FAT3: variants seen among roughly 807,000 people sequenced by gnomAD.
FAT3 encodes FAT atypical cadherin 3.
In FAT3, 95 loss-of-function variants were observed where a neutral mutation model predicts 310.2. That is an observed-to-expected ratio of 0.31 (90% CI 0.26 to 0.36). FAT3 has a LOEUF of 0.36. FAT3 is among the 10% of genes least tolerant of loss of function. FAT3 has a pLI of 1.00. For synonymous variants in FAT3, 2,314 were observed against 2,192.9 expected (o/e 1.06, Z -1.54); for missense variants, 5,408 against 5,715.6 (o/e 0.95, Z 1.74).
chr11:92,569,490 G>A (rs959393821), intron 3 of FAT3, among the ~76,000 whole-genome samples: 2 of 152,136 alleles, frequency 1.3e-5, no homozygotes, highest in Non-Finnish European at 2.9e-5. Flanking sequence ...TGTTAACTCA[G>A]AAAGAAAAGT....
At chr11:92,429,526 C>T (rs1950716061) in intron 2 of FAT3, among the ~76,000 whole-genome samples, 2 of 152,048 alleles carry the variant, frequency 1.3e-5, no homozygotes, top group African/African-American at 4.8e-5. Context: ...ACTGGTTTTT[C>T]CTCTCCATAT....
chr11:92,521,739 G>T (rs957799571), intron 2 of FAT3, among the ~76,000 whole-genome samples: 4 of 152,062 alleles, frequency 2.6e-5, no homozygotes, highest in Admixed American at 6.6e-5. Context: ...TACCAACATG[G>T]TGTCCTTATC....
At chr11:92,576,132 T>A (rs1164699139) in intron 3 of FAT3, among the ~76,000 whole-genome samples, 1 of 152,092 alleles carries the variant, frequency 6.6e-6, no homozygotes, top group African/African-American at 2.4e-5. Flanking sequence ...AAGAATAGCG[T>A]CTTAAGGGAG....
At chr11:92,743,438 A>G (rs1174027643) in intron 4 of FAT3, among the ~76,000 whole-genome samples, 1 of 152,192 alleles carries the variant, frequency 6.6e-6, no homozygotes, top group East Asian at 1.9e-4. Flanking sequence ...TAGGCAGGAG[A>G]TAATGAGAGC....
intron 3 of FAT3, among the ~76,000 whole-genome samples, chr11:92,552,982 TGGAAATATGGAAGGAAATAGA>T (rs1380674321): frequency 3.4e-5 from 5 of 148,258 alleles, no homozygotes; most frequent in African/African-American, 5.0e-5. Context: ...AAAAAAGAAT[TGGAAATATGGAAGGAAATAGA>T]GGAAATATGG....
chr11:92,504,039 C>G (rs1395683898), intron 2 of FAT3, among the ~76,000 whole-genome samples: 1 of 152,118 alleles, frequency 6.6e-6, no homozygotes, highest in Admixed American at 6.6e-5. Context: ...CAAATCAGAG[C>G]CCTAAGTGAC....
intron 3 of FAT3, among the ~76,000 whole-genome samples, chr11:92,602,120 C>T (rs1940057225): frequency 6.6e-6 from 1 of 151,786 alleles, no homozygotes; most frequent in South Asian, 2.1e-4. Flanking sequence ...GTCATCCAGG[C>T]CAGAGTGCAA....
chr11:92,412,402 A>ATTTTTTTTTTTTTTTTTTT (rs780298367), intron 2 of FAT3, among the ~76,000 whole-genome samples: 1 of 101,126 alleles, frequency 9.9e-6, no homozygotes, highest in African/African-American at 3.2e-5. Flanking sequence ...GACCCGGCCT[A>ATTTTTTTTTTTTTTTTTTT]TTTTTTTTTT....
chr11:92,516,170 G>A (rs1953475777), intron 2 of FAT3, among the ~76,000 whole-genome samples: 1 of 151,950 alleles, frequency 6.6e-6, no homozygotes, highest in African/African-American at 2.4e-5. Context: ...CCAAAACCTG[G>A]CAGAGACACA....
chr11:92,763,793 C>T (rs1308389588), intron 5 of FAT3, among the ~76,000 whole-genome samples: 2 of 152,030 alleles, frequency 1.3e-5, no homozygotes, highest in Non-Finnish European at 2.9e-5. Context: ...AGAGCACTTC[C>T]CCACCAAAAA....
intron 3 of FAT3, among the ~76,000 whole-genome samples, chr11:92,553,142 C>T (rs1954880184): frequency 1.3e-5 from 2 of 152,134 alleles, no homozygotes; most frequent in South Asian, 4.2e-4. Flanking sequence ...GGAGTAATAT[C>T]ACCACCTTAT....
intron 2 of FAT3, among the ~76,000 whole-genome samples, chr11:92,455,872 C>T (rs1293843121): frequency 6.6e-6 from 1 of 152,072 alleles, no homozygotes; most frequent in African/African-American, 2.4e-5. Flanking sequence ...GTATTGATGC[C>T]TAACTTTTAC....
intron 1 of FAT3, among the ~76,000 whole-genome samples, chr11:92,263,635 G>GTA (rs1185942564): frequency 4.1e-5 from 6 of 146,038 alleles, no homozygotes; most frequent in African/African-American, 1.6e-4. Context: ...GTGTGTGTGT[G>GTA]TGTATATATA....
At chr11:92,239,248 T>C (rs1389725547) in intron 1 of FAT3, among the ~76,000 whole-genome samples, 1 of 152,104 alleles carries the variant, frequency 6.6e-6, no homozygotes, top group South Asian at 2.1e-4. Flanking sequence ...ATTTTCTTAC[T>C]GGATTCTGGG....
chr11:92,850,874 C>T (rs551807306), intron 19 of FAT3, among the ~76,000 whole-genome samples: 1 of 152,290 alleles, frequency 6.6e-6, no homozygotes, highest in South Asian at 2.1e-4. Flanking sequence ...CACCCTTCTC[C>T]TCCCTGCATG....
chr11:92,389,062 T>G (rs1949690745), intron 2 of FAT3, among the ~76,000 whole-genome samples: 1 of 152,162 alleles, frequency 6.6e-6, no homozygotes, highest in African/African-American at 2.4e-5. Flanking sequence ...CCATACCCAG[T>G]AGGTGCCATA....
intron 22 of FAT3, among the ~76,000 whole-genome samples, chr11:92,874,835 G>A (rs1300051710): frequency 1.3e-5 from 2 of 152,070 alleles, no homozygotes; most frequent in African/African-American, 2.4e-5. Context: ...CACCACACCC[G>A]GCCTAGTATA....
chr11:92,891,054 C>T lies in FAT3; in HGVS notation c.13711C>T (p.Leu4571Phe), dbSNP rs181080962. The T allele has an allele frequency of 6.2e-7, 1 of 1,613,826 alleles. No homozygotes were observed. The highest frequency in any genetic ancestry group is 8.5e-7 in the Non-Finnish European group (1 of 1,179,838). The change falls in exon 28 of 28, where the codon CTC becomes TTC. Residue 4571 changes from leucine (L) to phenylalanine (F), a missense_variant. Physicochemically the swap from Leu to Phe is conservative, Grantham distance 22. This residue lies in a region of FAT3 where 649 missense variants were observed against 666.2 expected (regional missense o/e 0.97). Transcript: ENST00000525166. ...AMSDYESVGE[L>F]SLASLHIPFV... ...GAGTGACTACGAGAGCGTGGGAGAGCTCAGCCTCGCCAGCCTTCACATTCC... is the reference window on the plus strand; with the variant it reads ...GAGTGACTACGAGAGCGTGGGAGAGTTCAGCCTCGCCAGCCTTCACATTCC...
In FAT3 at chr11:92,566,150, A is replaced by C. The variant is rs1332926276; in HGVS notation, c.3607+41202A>C. 1.2e-3 allele frequency among the ~76,000 whole-genome samples: 188 copies of C among 152,222 alleles called. No individual in the cohort carries two copies. The East Asian group carries it at 0.017, about 13-fold the overall frequency. ...ATCTAGAAAACCCCATTGTCTCAGT[A>C]CAAAATCTCCTTAAGCTGATAAGCA... On this transcript the variant is annotated intron_variant, in intron 3 of 27. Transcript: ENST00000525166.
Sources: gnomAD v4.1 joint callset for allele counts (sites outside exome capture counted in the v4.1 genomes callset) on GRCh38, gnomAD v4.1.1 for gene constraint, gnomAD v4.1.1 regional missense constraint, MANE v1.5 for transcripts, NCBI Gene and HGNC (gene_info 2026-07-23, HGNC 2026-07-21) for gene names.